DNAH11: variants seen among roughly 807,000 people sequenced by gnomAD.
The protein encoded by DNAH11 is dynein axonemal heavy chain 11.
Under a neutral mutation model 526.0 loss-of-function variants are expected in DNAH11, and 442 were observed. The observed-to-expected ratio is 0.84, with a 90% confidence interval of 0.78 to 0.91. The LOEUF is 0.91. DNAH11 is among the 40% of genes least tolerant of loss of function. DNAH11 has a pLI of 0.00. For missense variants in DNAH11, 6,989 were observed against 5,448.7 expected (o/e 1.28, Z -8.90); for synonymous variants, 2,461 against 1,935.9 (o/e 1.27, Z -7.12).
chr7:21,544,097 A>G (rs188080932), intron 1 of DNAH11, among the ~76,000 whole-genome samples: 86 of 152,242 alleles, frequency 5.6e-4, no homozygotes, highest in African/African-American at 2.0e-3. Flanking sequence ...CTCCGCACAC[A>G]TGGGTGTTTA....
At chr7:21,614,151 G>C (rs1198166324) in intron 20 of DNAH11, among the ~76,000 whole-genome samples, 1 of 152,078 alleles carries the variant, frequency 6.6e-6, no homozygotes, top group African/African-American at 2.4e-5. Context: ...AAGAGTTGAA[G>C]GTTGATGGAA....
At chr7:21,812,504 A>G (rs545466571) in intron 63 of DNAH11, among the ~76,000 whole-genome samples, 27 of 117,768 alleles carry the variant, frequency 2.3e-4, no homozygotes, top group East Asian at 6.6e-4. Flanking sequence ...CACTATCTAT[A>G]TGAAAAAAAA....
At chr7:21,558,250 G>C (rs187277874) in intron 2 of DNAH11, among the ~76,000 whole-genome samples, 1 of 152,122 alleles carries the variant, frequency 6.6e-6, no homozygotes, top group Non-Finnish European at 1.5e-5. Flanking sequence ...TATATGCCAG[G>C]CTCTAGAAAT....
chr7:21,716,295 G>T (rs1382288284), intron 42 of DNAH11, among the ~76,000 whole-genome samples: 1 of 152,124 alleles, frequency 6.6e-6, no homozygotes, highest in Non-Finnish European at 1.5e-5. Context: ...CTAAACCTGA[G>T]TTTCCGAATG....
chr7:21,677,464 C>G (rs920128565), intron 30 of DNAH11, among the ~76,000 whole-genome samples: 2 of 152,180 alleles, frequency 1.3e-5, no homozygotes, highest in Non-Finnish European at 2.9e-5. Flanking sequence ...TCACTGCAGC[C>G]TATACATCTC....
At chr7:21,830,617 T>G (rs1197347002) in intron 65 of DNAH11, among the ~76,000 whole-genome samples, 1 of 152,136 alleles carries the variant, frequency 6.6e-6, no homozygotes, top group Admixed American at 6.5e-5. Context: ...GAGACCCAGG[T>G]TCTAGTCCCA....
In DNAH11 at chr7:21,748,562, G is replaced by T. The variant is rs1196714677; in HGVS notation, c.8511-18G>T. Reference sequence around the variant, plus strand: ...GCATTTTCGATTTTGTGCCATAATGGGCGCTTCCTTTCCTCAGGTGTCGCA... The same window carrying T: ...GCATTTTCGATTTTGTGCCATAATGTGCGCTTCCTTTCCTCAGGTGTCGCA... On this transcript the variant is annotated intron_variant, in intron 51 of 81. Transcript: ENST00000409508. The T allele has an allele frequency of 6.8e-7, 1 of 1,480,424 alleles. No individual in the cohort carries two copies. Among genetic ancestry groups the T allele is most frequent in the Non-Finnish European group, 9.0e-7 (1 of 1,110,674 alleles). 91.7% of individuals were successfully genotyped at this position (1,480,424 alleles called of 1,614,324 possible). A position where few individuals can be genotyped will look rare whatever the true frequency, so the allele number is the denominator to read the frequency against.
At chr7:21,892,881 A>G (rs1784376121) in intron 77 of DNAH11, among the ~76,000 whole-genome samples, 1 of 152,148 alleles carries the variant, frequency 6.6e-6, no homozygotes, top group South Asian at 2.1e-4. Context: ...GATAATCAGT[A>G]TCTTTACCTC....
intron 45 of DNAH11, among the ~76,000 whole-genome samples, 158 bp downstream of exon 45, chr7:21,726,142 A>G (rs756106757): frequency 6.6e-5 from 10 of 152,174 alleles, no homozygotes; most frequent in Non-Finnish European, 1.3e-4. Context: ...AGCTTCTGGG[A>G]AGGCCTCAGA....
rs1409783994 is a variant in DNAH11, at chr7:21,543,349, TCGAGGAGGAGGAGGAGAA to T, written c.116_133del (p.Glu39_Glu44del). 7.7e-6 allele frequency: 12 copies of T among 1,551,128 alleles called. No homozygotes were observed. The highest frequency in any genetic ancestry group is 1.0e-5 in the Non-Finnish European group (12 of 1,146,798). On this transcript the variant is annotated inframe_deletion, in exon 1 of 82. Coordinates refer to ENST00000409508, the MANE Select transcript of DNAH11 (RefSeq NM_001277115.2). ...CTGGAGGCAGTGGGCGCTGTGGAGC[TCGAGGAGGAGGAGGAGAA>T]CGAGGAGGAGGCGGCGGCCAGGAGA...
At chr7:21,659,383 G>T (rs1199117723) in intron 30 of DNAH11, among the ~76,000 whole-genome samples, 1 of 151,506 alleles carries the variant, frequency 6.6e-6, no homozygotes, top group East Asian at 1.9e-4. Flanking sequence ...AATGGTGGAG[G>T]TTGGCTCAGC....
intron 42 of DNAH11, among the ~76,000 whole-genome samples, chr7:21,715,261 G>T (rs1434131913): frequency 2.0e-5 from 3 of 152,282 alleles, no homozygotes; most frequent in East Asian, 1.9e-4. Flanking sequence ...AGTTTTCAGA[G>T]GTCTGAGAAC....
rs1367102836 is a variant in DNAH11, at chr7:21,900,050, C to T, written c.13233C>T (p.Thr4411=). ...LDKTRLTADV[T]KKTKEDYGHP... Reference sequence around the variant, plus strand: ...AAACGCGCTTGACTGCTGATGTTACCAAAAAAACAAAGGAAGATTATGGAC... The same window carrying T: ...AAACGCGCTTGACTGCTGATGTTACTAAAAAAACAAAGGAAGATTATGGAC... The change falls in exon 81 of 82, where the codon ACC becomes ACT. Residue 4411 remains threonine, a synonymous_variant. Coordinates refer to ENST00000409508, the MANE Select transcript of DNAH11 (RefSeq NM_001277115.2). The T allele has an allele frequency of 6.2e-7, 1 of 1,613,610 alleles. No homozygotes were observed. Among genetic ancestry groups the T allele is most frequent in the East Asian group, 2.2e-5 (1 of 44,868 alleles).
chr7:21,748,900 C>A (rs989566494), intron 52 of DNAH11, among the ~76,000 whole-genome samples, 158 bp downstream of exon 52: 1 of 152,128 alleles, frequency 6.6e-6, no homozygotes, highest in Non-Finnish European at 1.5e-5. Context: ...TGACCTTTGG[C>A]GGTTTTGCCT....
At chr7:21,824,607 T>C (rs1790197405) in intron 65 of DNAH11, among the ~76,000 whole-genome samples, 1 of 152,166 alleles carries the variant, frequency 6.6e-6, no homozygotes, top group African/African-American at 2.4e-5. Flanking sequence ...CATGAAAATA[T>C]GCTCAACATC....
chr7:21,721,994 T>G (rs12540711), intron 44 of DNAH11, among the ~76,000 whole-genome samples: 100,918 of 151,992 alleles, frequency 0.66, 35,474 homozygotes, highest in African/African-American at 0.9. Flanking sequence ...CCCTTTTGTG[T>G]CTTCTGATTT....
At chr7:21,632,999 T>C (rs1786687860) in intron 25 of DNAH11, among the ~76,000 whole-genome samples, 1 of 152,190 alleles carries the variant, frequency 6.6e-6, no homozygotes, top group Non-Finnish European at 1.5e-5. Context: ...CTCACAATCA[T>C]GGTGGAAGGT....
At chr7:21,601,345 T>A in intron 17 of DNAH11, 51 bp from the exon 18 acceptor site, 11 of 1,540,464 alleles carry the variant, frequency 7.1e-6, no homozygotes, top group Non-Finnish European at 7.9e-6. Context: ...TACTGCTAAA[T>A]GTTTTAATAA....
chr7:21,622,946 A>G (rs1241611259), intron 25 of DNAH11, among the ~76,000 whole-genome samples: 8 of 152,194 alleles, frequency 5.3e-5, no homozygotes, highest in African/African-American at 1.4e-4. Flanking sequence ...AGCAATGGCA[A>G]CAAAAGCCAA....
Sources: allele counts gnomAD v4.1 joint callset (sites outside exome capture counted in the v4.1 genomes callset), GRCh38; gene constraint gnomAD v4.1.1; transcripts MANE v1.5; gene names NCBI Gene and HGNC (gene_info 2026-07-23, HGNC 2026-07-21).